LEPR: variants seen among roughly 807,000 people sequenced by gnomAD.
LEPR encodes OB receptor.
Under a neutral mutation model 114.7 loss-of-function variants are expected in LEPR, and 56 were observed. That is an observed-to-expected ratio of 0.49 (90% confidence interval 0.39 to 0.61). The LOEUF (loss-of-function observed/expected upper bound fraction) is 0.61. LEPR is among the 20% of genes least tolerant of loss of function. The pLI is 0.00. For synonymous variants in LEPR, 443 were observed against 461.4 expected (o/e 0.96, Z 0.51); for missense variants, 1,202 against 1,352.9 (o/e 0.89, Z 1.75).
At chr1:65,615,599 C>A (rs1938484) in intron 14 of LEPR, among the ~76,000 whole-genome samples, 31,834 of 152,004 alleles carry the variant, frequency 0.21, 4,492 homozygotes, top group East Asian at 0.77. Flanking sequence ...TGTTGCTTTT[C>A]ATTTTCTGAG....
At chr1:65,488,214 C>CTTTCTTTCTTTT (rs774153035) in intron 2 of LEPR, among the ~76,000 whole-genome samples, 2 of 46,768 alleles carry the variant, frequency 4.3e-5, no homozygotes, top group South Asian at 1.0e-3. Context: ...CTTTCTTTCT[C>CTTTCTTTCTTTT]TCTCTCTCTC....
intron 2 of LEPR, chr1:65,486,577 C>T (rs1386410417): frequency 1.3e-5 from 2 of 152,194 alleles, no homozygotes; most frequent in African/African-American, 4.8e-5. Flanking sequence ...TACCCTGCCA[C>T]ACTTGGCCAT....
intron 2 of LEPR, among the ~76,000 whole-genome samples, chr1:65,513,625 T>A (rs892816373): frequency 6.6e-6 from 1 of 152,244 alleles, no homozygotes; most frequent in African/African-American, 2.4e-5. Flanking sequence ...TAAAGTGCTT[T>A]GTGCTTCGTG....
chr1:65,496,935 G>T (rs544847326), intron 2 of LEPR, among the ~76,000 whole-genome samples: 1 of 151,832 alleles, frequency 6.6e-6, no homozygotes, highest in African/African-American at 2.4e-5. Flanking sequence ...GGATCTCCAG[G>T]TGATTCATGT....
intron 2 of LEPR, chr1:65,433,223 G>T: frequency 1.0e-6 from 1 of 985,374 alleles, no homozygotes; most frequent in South Asian, 4.7e-5. Context: ...TACGGCTCTG[G>T]CTTCTTCCCG....
intron 2 of LEPR, among the ~76,000 whole-genome samples, chr1:65,451,596 A>G (rs961166458): frequency 1.3e-5 from 2 of 152,070 alleles, no homozygotes; most frequent in South Asian, 2.1e-4. Flanking sequence ...GTAGATATGC[A>G]GCATTATTTC....
At chr1:65,535,417 G>A (rs1156613544) in intron 2 of LEPR, among the ~76,000 whole-genome samples, 2 of 151,632 alleles carry the variant, frequency 1.3e-5, no homozygotes, top group African/African-American at 4.9e-5. Context: ...CCAGGCTGAA[G>A]TGCAGTGGCA....
At chr1:65,626,093 C>G (rs1442542556) in intron 19 of LEPR, 1 of 1,602,154 alleles carries the variant, frequency 6.2e-7, no homozygotes, top group African/African-American at 1.3e-5. Context: ...GCAGTTTAAA[C>G]CTGCAGCAAA....
At chr1:65,551,616 C>G (rs987793831) in intron 2 of LEPR, among the ~76,000 whole-genome samples, 2 of 152,070 alleles carry the variant, frequency 1.3e-5, no homozygotes, top group Non-Finnish European at 2.9e-5. Context: ...CTTTATTAGT[C>G]TGGCTAGTGG....
At chr1:65,532,846 G>A (rs972742193) in intron 2 of LEPR, among the ~76,000 whole-genome samples, 3 of 152,086 alleles carry the variant, frequency 2.0e-5, no homozygotes, top group Admixed American at 6.5e-5. Context: ...GGGAGCGACT[G>A]CTAATGAGGA....
chr1:65,483,174 G>C (rs992637452), intron 2 of LEPR, among the ~76,000 whole-genome samples: 16 of 151,814 alleles, frequency 1.1e-4, no homozygotes, highest in African/African-American at 3.9e-4. Flanking sequence ...GCAGAAAGCA[G>C]ACTTGGAGAA....
chr1:65,439,862 G>T lies in LEPR; in HGVS notation c.-21+14484G>T, dbSNP rs540774653. On this transcript the variant is annotated intron_variant, in intron 2 of 19. Transcript: ENST00000349533. ...AAAAAAAAAAAAGCTGGGCGCAGTG[G>T]CGTGTGCCTGTAATCCCAGCTCCTA... is the stretch of plus-strand genomic sequence containing the variant. Among the ~76,000 whole-genome samples the T allele has an allele frequency of 5.8e-4, 87 of 149,032 alleles. 1 individual carries two copies. The South Asian group carries it at 0.015, about 25-fold the overall frequency.
rs995814409 is a variant in LEPR, at chr1:65,610,204, C to T, written c.1913-10C>T. 2.5e-6 allele frequency: 4 copies of T among 1,613,890 alleles called. No individual in the cohort carries two copies. Among genetic ancestry groups the T allele is most frequent in the Non-Finnish European group, 3.4e-6 (4 of 1,179,958 alleles). On this transcript the variant is annotated splice_polypyrimidine_tract_variant and intron_variant, in intron 13 of 19. Transcript: ENST00000349533. Reference sequence around the variant, plus strand: ...CTTCAAAAACATATACACAACTTGTCATTTTGCAGTTCCTATGAGAGGACC... The same window carrying T: ...CTTCAAAAACATATACACAACTTGTTATTTTGCAGTTCCTATGAGAGGACC...
chr1:65,443,715 G>A (rs1462067167), intron 2 of LEPR, among the ~76,000 whole-genome samples: 1 of 152,050 alleles, frequency 6.6e-6, no homozygotes, highest in Non-Finnish European at 1.5e-5. Flanking sequence ...GACACTGTGG[G>A]AAACCAAAAT....
intron 5 of LEPR, among the ~76,000 whole-genome samples, chr1:65,582,653 C>A (rs1365351482): frequency 2.0e-5 from 3 of 152,210 alleles, no homozygotes; most frequent in African/African-American, 7.2e-5. Context: ...TGCCCATGCA[C>A]TTTTCCTCTC....
chr1:65,581,515 C>T (rs1169788195), intron 5 of LEPR, among the ~76,000 whole-genome samples: 2 of 151,424 alleles, frequency 1.3e-5, no homozygotes, highest in African/African-American at 4.9e-5. Flanking sequence ...ACTATTTCTG[C>T]TAATACACTT....
intron 18 of LEPR, among the ~76,000 whole-genome samples, chr1:65,621,755 C>T (rs1403619946): frequency 6.6e-6 from 1 of 152,066 alleles, no homozygotes; most frequent in East Asian, 1.9e-4. Flanking sequence ...TGTTCAGGAG[C>T]CCCTTTCTCT....
chr1:65,590,127 A>T (rs962342083), intron 5 of LEPR, among the ~76,000 whole-genome samples: 1 of 151,826 alleles, frequency 6.6e-6, no homozygotes, highest in Non-Finnish European at 1.5e-5. Flanking sequence ...CAATGTGCAG[A>T]TCCTAAACAT....
intron 2 of LEPR, among the ~76,000 whole-genome samples, chr1:65,511,526 C>T (rs1401269777): frequency 6.6e-6 from 1 of 152,006 alleles, no homozygotes; most frequent in Non-Finnish European, 1.5e-5. Flanking sequence ...TTGCCCCATT[C>T]ATTAATTCAT....
Sources: allele counts gnomAD v4.1 joint callset (sites outside exome capture counted in the v4.1 genomes callset), GRCh38; gene constraint gnomAD v4.1.1; transcripts MANE v1.5; gene names NCBI Gene and HGNC (gene_info 2026-07-23, HGNC 2026-07-21).